The following ENTPD7 variants were observed in gnomAD, a reference collection of about 807,000 sequenced individuals.
ENTPD7 encodes the protein ectonucleoside triphosphate diphosphohydrolase 7.
In ENTPD7, 53 loss-of-function variants were observed where a neutral mutation model predicts 77.9. The observed-to-expected ratio is 0.68, with a 90% CI of 0.55 to 0.85. The LOEUF is 0.85. ENTPD7 is among the 40% of genes least tolerant of loss of function. The probability of loss-of-function intolerance (pLI) is 0.00; values close to 1 mark genes in which losing one functional copy is unlikely to be tolerated. For missense variants in ENTPD7, 636 were observed against 743.7 expected (o/e 0.86, Z 1.68); for synonymous variants, 248 against 274.9 (o/e 0.90, Z 0.97).
Position 99,708,383 on chromosome 10 carries a change from A to G in ENTPD7, c.*3700A>G, listed in dbSNP as rs2036292368. Among the ~76,000 whole-genome samples, 1 of 152,226 alleles carries G rather than the reference A, an allele frequency of 6.6e-6. No homozygotes were observed. The highest frequency in any genetic ancestry group is 1.5e-5 in the Non-Finnish European group (1 of 68,032). ...TTTTGTTTTTTGTCAGGGATGAAAGACAAGTGAGTGGTATCACTTAAGGGA... is the reference window on the plus strand; with the variant it reads ...TTTTGTTTTTTGTCAGGGATGAAAGGCAAGTGAGTGGTATCACTTAAGGGA... On this transcript the variant is annotated 3_prime_UTR_variant, in exon 13 of 13. Transcript: ENST00000370489.
intron 9 of ENTPD7, among the ~76,000 whole-genome samples, chr10:99,697,198 C>T (rs2036000754): frequency 6.6e-6 from 1 of 152,028 alleles, no homozygotes; most frequent in Non-Finnish European, 1.5e-5. Context: ...AATCCTGGTG[C>T]CCTGGATGAT....
Position 99,679,350 on chromosome 10 carries a change from G to C in ENTPD7, c.281G>C (p.Gly94Ala). 1 of 1,614,134 alleles carries C rather than the reference G, an allele frequency of 6.2e-7. No homozygotes were observed. Among genetic ancestry groups the C allele is most frequent in the Non-Finnish European group, 8.5e-7 (1 of 1,180,032 alleles). Residue 94 changes from glycine (G) to alanine (A), a missense_variant, in exon 4 of 13, where the codon GGT becomes GCT. Physicochemically the swap from Gly to Ala is moderately conservative, Grantham distance 60. Transcript: ENST00000370489. ...YGLVVDCGSS[G>A]SRIFVYFWPR... ...CTTGTTGTTGACTGTGGCAGCAGTG[G>C]TTCCCGGATTTTTGTTTATTTCTGG...
chr10:99,687,259 C>CTTGCTTT (rs2035825830), intron 6 of ENTPD7, among the ~76,000 whole-genome samples: 1 of 29,522 alleles, frequency 3.4e-5, no homozygotes, highest in Admixed American at 7.2e-4. Context: ...TTCTTTCTTT[C>CTTGCTTT]TTTTTTTTTT....
intron 7 of ENTPD7, among the ~76,000 whole-genome samples, chr10:99,690,150 C>T (rs941015568): frequency 2.0e-5 from 3 of 152,150 alleles, no homozygotes; most frequent in African/African-American, 7.2e-5. Flanking sequence ...CTTTTATATT[C>T]CCCTTGCTAT....
intron 3 of ENTPD7, among the ~76,000 whole-genome samples, chr10:99,665,676 T>A (rs2035539695): frequency 6.6e-6 from 1 of 152,126 alleles, no homozygotes; most frequent in Admixed American, 6.5e-5. Context: ...ATTTGTATTT[T>A]TGGCTTGCTT....
intron 2 of ENTPD7, chr10:99,660,382 A>G: frequency 3.4e-6 from 4 of 1,168,032 alleles, no homozygotes; most frequent in Non-Finnish European, 4.3e-6. Flanking sequence ...TTATCCATAC[A>G]TTATAATAAC....
intron 3 of ENTPD7, among the ~76,000 whole-genome samples, chr10:99,672,153 CT>C (rs1348341098): frequency 2.0e-5 from 3 of 151,958 alleles, no homozygotes; most frequent in Non-Finnish European, 2.9e-5. Context: ...GGCTAAATTT[CT>C]TTTTTTATTT....
chr10:99,674,072 G>T (rs1384335400), intron 3 of ENTPD7, among the ~76,000 whole-genome samples: 2 of 152,116 alleles, frequency 1.3e-5, no homozygotes, highest in African/African-American at 4.8e-5. Flanking sequence ...AATCATTCTG[G>T]GTACTACCAG....
At chr10:99,695,079 G>T (rs1388840691) in intron 8 of ENTPD7, among the ~76,000 whole-genome samples, 2 of 152,152 alleles carry the variant, frequency 1.3e-5, no homozygotes, top group Non-Finnish European at 2.9e-5. Context: ...ATGATAATGT[G>T]GAATGAGCTG....
chr10:99,676,705 T>C (rs2035685960), intron 3 of ENTPD7, among the ~76,000 whole-genome samples: 3 of 152,214 alleles, frequency 2.0e-5, no homozygotes, highest in Admixed American at 6.5e-5. Flanking sequence ...TGCTAGTTGA[T>C]TGGTGGATTC....
At chr10:99,671,050 TTG>T (rs1288148589) in intron 3 of ENTPD7, among the ~76,000 whole-genome samples, 1 of 151,720 alleles carries the variant, frequency 6.6e-6, no homozygotes, top group Non-Finnish European at 1.5e-5. Context: ...ATAAAATAAA[TTG>T]TACACCTGTA....
At chr10:99,696,174 T>C (rs1188698165) in intron 9 of ENTPD7, 52 bp downstream of exon 9, 1 of 1,589,374 alleles carries the variant, frequency 6.3e-7, no homozygotes, top group Middle Eastern at 1.7e-4. Context: ...AGGCTGCAGA[T>C]ATTAGGGAGA....
rs2035842412 is a variant in ENTPD7 at position 99,688,588 on chromosome 10, T to C, written c.653-106T>C. The stretch of plus-strand genomic sequence containing the variant: ...ATTGAGAGTATGGAATAAAATACTA[T>C]GATTACTTTTTCCAAGAAAAAGAGG... On this transcript the variant is annotated intron_variant, in intron 6 of 12. Coordinates refer to ENST00000370489, the MANE Select transcript of ENTPD7 (RefSeq NM_020354.5). 3.0e-6 allele frequency: 3 copies of C among 996,166 alleles called. No homozygotes were observed. In the East Asian group the frequency reaches 7.9e-5, roughly 26 times the overall value. 61.7% of individuals were successfully genotyped at this position (996,166 alleles called of 1,614,324 possible).
intron 3 of ENTPD7, among the ~76,000 whole-genome samples, chr10:99,663,034 A>G (rs1330983973): frequency 6.6e-6 from 1 of 152,160 alleles, no homozygotes; most frequent in African/African-American, 2.4e-5. Flanking sequence ...TTTTGTCTAT[A>G]TTTACCATTT....
intron 3 of ENTPD7, among the ~76,000 whole-genome samples, chr10:99,676,974 C>CT (rs2035689003): frequency 6.6e-6 from 1 of 152,132 alleles, no homozygotes; most frequent in Non-Finnish European, 1.5e-5. Context: ...AGGTACTCTA[C>CT]TTTTTTATTT....
At chr10:99,693,292 A>G (rs1391222585) in intron 8 of ENTPD7, among the ~76,000 whole-genome samples, 3 of 152,212 alleles carry the variant, frequency 2.0e-5, no homozygotes, top group African/African-American at 7.2e-5. Context: ...AATTTTGGAT[A>G]TATTGAGTTT....
rs756842180 is a variant in ENTPD7 at position 99,688,738 on chromosome 10, G to A, written c.697G>A (p.Asp233Asn). ...IGINFVLGRF[D>N]HEDESDAEAT... Reference sequence around the variant, plus strand: ...AATCAACTTTGTTTTGGGAAGATTCGACCACGAGGATGGTGAGTAATATTG... The same window carrying A: ...AATCAACTTTGTTTTGGGAAGATTCAACCACGAGGATGGTGAGTAATATTG... The change falls in exon 7 of 13, where the codon GAC becomes AAC. Residue 233 changes from aspartate to asparagine, a missense_variant. Around this residue, in one of 3 missense-constraint regions of ENTPD7, gnomAD observed 486 missense variants for 556.5 expected, o/e 0.87. Transcript: ENST00000370489. 1.4e-5 allele frequency: 23 copies of A among 1,613,860 alleles called. No individual in the cohort carries two copies. The highest frequency in any genetic ancestry group is 3.3e-5 in the Admixed American group (2 of 60,012).
intron 6 of ENTPD7, 40 bp downstream of exon 6, chr10:99,685,935 C>A: frequency 7.5e-7 from 1 of 1,333,976 alleles, no homozygotes; most frequent in Non-Finnish European, 1.1e-6. Context: ...AACCTCTAAG[C>A]CAACCATGGC....
rs1393139221 is a variant in ENTPD7 at position 99,696,122 on chromosome 10, G to A, written c.1010G>A (p.Arg337Lys). 3 of 1,612,778 alleles carry A rather than the reference G, an allele frequency of 1.9e-6. No homozygotes were observed. The Admixed American group carries it at 5.0e-5, about 27-fold the overall frequency. ...LVLNETLNKN[R>K]LLGQKTGLSP... ...CTGAATGAAACTCTTAACAAAAACA[G>A]GTACATTTGATATGGGATCTGAGTT... is the stretch of plus-strand genomic sequence containing the variant. The change falls in exon 9 of 13, where the codon AGA becomes AAA. Residue 337 changes from arginine (R) to lysine (K), a missense_variant and splice_region_variant. By Grantham distance (26) the Arg-to-Lys change is conservative. Around this residue, in one of 3 missense-constraint regions of ENTPD7, gnomAD observed 486 missense variants for 556.5 expected, o/e 0.87. Transcript: ENST00000370489.
Sources: allele counts gnomAD v4.1 joint callset (sites outside exome capture counted in the v4.1 genomes callset), GRCh38; gene constraint gnomAD v4.1.1; regional missense constraint gnomAD v4.1.1; transcripts MANE v1.5; gene names NCBI Gene and HGNC (gene_info 2026-07-23, HGNC 2026-07-21).